Variants in EFL1 observed in about 807,000 individuals in gnomAD.
The protein encoded by EFL1 is elongation factor-like GTPase 1.
EFL1 carries 76 observed loss-of-function variants against 126.7 expected under a neutral mutation model. The observed-to-expected ratio is 0.60, with a 90% confidence interval of 0.50 to 0.73. The LOEUF (loss-of-function observed/expected upper bound fraction) is 0.73, where lower values mean the gene tolerates loss of function less well. EFL1 is among the 30% of genes least tolerant of loss of function. The pLI, the probability that EFL1 is intolerant of heterozygous loss-of-function variation, is 0.00. For synonymous variants in EFL1, 410 were observed against 448.4 expected, an observed-to-expected ratio of 0.91 and a Z score of 1.08; for missense variants, 1,128 against 1,343.2, an observed-to-expected ratio of 0.84 and a Z score of 2.50.
chr15:82,159,269 T>C (rs1321268503), intron 16 of EFL1, among the ~76,000 whole-genome samples: 4 of 152,136 alleles, frequency 2.6e-5, no homozygotes, highest in Non-Finnish European at 5.9e-5. Context: ...GATAATACTA[T>C]AATACTAATA....
At position 82,152,084 on chromosome 15, in the gene EFL1, G is replaced by A. The variant is rs771202060; in HGVS notation, c.2370C>T (p.His790=). The A allele has an allele frequency of 1.2e-6, 2 of 1,614,088 alleles. No homozygotes were observed. Among genetic ancestry groups the A allele is most frequent in the South Asian group, 2.2e-5 (2 of 91,062 alleles). ...TCTCTTGGGTCTTCTGATGAATCAT[G>A]TGAGTATTTTCACCCTCATTCAAAG... ...TSSLNEGENT[H]MIHQKTQEKI... The change falls in exon 18 of 20, where the codon CAC becomes CAT. Residue 790 remains histidine, a synonymous_variant. Transcript: ENST00000268206.
At chr15:82,149,056 G>T (rs776756681) in intron 18 of EFL1, among the ~76,000 whole-genome samples, 4 of 151,612 alleles carry the variant, frequency 2.6e-5, no homozygotes, top group African/African-American at 4.8e-5. Context: ...CGAAACATTT[G>T]ATTTTCTACC....
intron 15 of EFL1, among the ~76,000 whole-genome samples, chr15:82,188,627 C>G (rs141601964): frequency 6.6e-6 from 1 of 152,282 alleles, no homozygotes; most frequent in East Asian, 1.9e-4. Context: ...CTTTCCAGGT[C>G]TTGTTAAAAC....
intron 7 of EFL1, among the ~76,000 whole-genome samples, chr15:82,237,278 TA>T (rs2074882774): frequency 6.6e-6 from 1 of 152,166 alleles, no homozygotes; most frequent in African/African-American, 2.4e-5. Flanking sequence ...GACAAAGGAC[TA>T]CTGTTTAGAA....
intron 18 of EFL1, among the ~76,000 whole-genome samples, chr15:82,143,981 C>G (rs889322073): frequency 3.9e-5 from 6 of 152,200 alleles, no homozygotes; most frequent in African/African-American, 1.4e-4. Flanking sequence ...TAGGCATACG[C>G]TCGCACGCCT....
chr15:82,198,760 A>C (rs1442065346), intron 15 of EFL1, among the ~76,000 whole-genome samples: 2 of 152,168 alleles, frequency 1.3e-5, no homozygotes, highest in Admixed American at 6.5e-5. Flanking sequence ...AAATTCCCAC[A>C]AAGTGGCCAA....
intron 3 of EFL1, among the ~76,000 whole-genome samples, chr15:82,255,120 T>G (rs1567081259): frequency 6.6e-6 from 1 of 152,242 alleles, no homozygotes. Flanking sequence ...ATTGTTGGAC[T>G]GATCCACAGT....
chr15:82,256,160 C>T (rs1282129097), intron 3 of EFL1, among the ~76,000 whole-genome samples: 1 of 152,068 alleles, frequency 6.6e-6, no homozygotes, highest in African/African-American at 2.4e-5. Flanking sequence ...TCCACCAGGC[C>T]GGAGTGCAGT....
intron 17 of EFL1, among the ~76,000 whole-genome samples, chr15:82,152,889 T>C (rs940449518): frequency 1.3e-5 from 2 of 152,214 alleles, no homozygotes; most frequent in South Asian, 2.1e-4. Context: ...TTGGCTTTGA[T>C]AATGAGGCTT....
intron 18 of EFL1, among the ~76,000 whole-genome samples, chr15:82,148,197 G>A (rs1317343186): frequency 6.6e-6 from 1 of 151,958 alleles, no homozygotes; most frequent in African/African-American, 2.4e-5. Flanking sequence ...GGCCAACATA[G>A]TGAAATGCCG....
intron 6 of EFL1, among the ~76,000 whole-genome samples, chr15:82,239,834 C>T (rs375627781): frequency 0.011 from 1,703 of 152,284 alleles, 41 homozygotes; most frequent in African/African-American, 0.039. Context: ...CATTTTAAGA[C>T]TTCTAACTCA....
chr15:82,212,743 T>A (rs998065342), intron 15 of EFL1, among the ~76,000 whole-genome samples: 4 of 152,130 alleles, frequency 2.6e-5, no homozygotes, highest in Non-Finnish European at 4.4e-5. Context: ...AACCCCAATA[T>A]CTTTTGCCTT....
At chr15:82,177,067 C>G (rs538176832) in intron 15 of EFL1, among the ~76,000 whole-genome samples, 472 of 152,176 alleles carry the variant, frequency 3.1e-3, no homozygotes, top group Non-Finnish European at 5.1e-3. Flanking sequence ...TGAAGGGGTG[C>G]GGTGGCAGTA....
At chr15:82,183,891 A>C (rs1200690753) in intron 15 of EFL1, among the ~76,000 whole-genome samples, 2 of 152,234 alleles carry the variant, frequency 1.3e-5, no homozygotes, top group Non-Finnish European at 2.9e-5. Flanking sequence ...CCAAGAGCAG[A>C]ATACTTGAGC....
rs1424104160 is a variant in EFL1 at position 82,252,634 on chromosome 15, CA to C, written c.244+56del. ...GAGGCATGCAATTAATTCAGAAAGA[CA>C]GAAGAGGACATGAAAGATGCAAAGC... On this transcript the variant is annotated intron_variant, in intron 4 of 19. Transcript: ENST00000268206. The C allele has an allele frequency of 2.3e-6, 3 of 1,326,352 alleles. No homozygotes were observed. The African/African-American group carries it at 4.4e-5, about 19-fold the overall frequency. 82.2% of individuals were successfully genotyped at this position (1,326,352 alleles called of 1,614,324 possible). A position where few individuals can be genotyped will look rare whatever the true frequency, so the allele number is the denominator to read the frequency against.
At chr15:82,201,698 CAAAAAAAAAAAA>C (rs57664245) in intron 15 of EFL1, among the ~76,000 whole-genome samples, 2 of 98,676 alleles carry the variant, frequency 2.0e-5, no homozygotes, top group East Asian at 6.5e-4. Context: ...TAACTTCTTG[CAAAAAAAAAAAA>C]AAAAAAAAAG....
At chr15:82,260,994 T>C (rs16973456) in intron 2 of EFL1, among the ~76,000 whole-genome samples, 14,952 of 152,268 alleles carry the variant, frequency 0.098, 762 homozygotes, top group African/African-American at 0.12. Context: ...CAGAAGAACA[T>C]ACCATGGGTT....
chr15:82,229,239 G>C (rs62012044), intron 8 of EFL1, 129 bp from the exon 9 acceptor site: 5 of 726,440 alleles, frequency 6.9e-6, no homozygotes, highest in Non-Finnish European at 1.1e-5. Context: ...AAATAAAGTA[G>C]ATGAAAGTAG....
chr15:82,251,106 G>A (rs1428139865), intron 4 of EFL1, among the ~76,000 whole-genome samples: 1 of 152,196 alleles, frequency 6.6e-6, no homozygotes, highest in Non-Finnish European at 1.5e-5. Flanking sequence ...CAGCTTCCCA[G>A]GAGGCTGAGG....
Sources: gnomAD v4.1 joint callset for allele counts (sites outside exome capture counted in the v4.1 genomes callset) on GRCh38, gnomAD v4.1.1 for gene constraint, MANE v1.5 for transcripts, NCBI Gene and HGNC (gene_info 2026-07-23, HGNC 2026-07-21) for gene names.